Variants in ME1 observed in about 807,000 individuals in gnomAD.
ME1 encodes the protein NADP-dependent malic enzyme.
A neutral mutation model predicts 66.4 loss-of-function variants in ME1; 74 were observed. The observed-to-expected ratio is 1.11, with a 90% CI of 0.92 to 1.35. The LOEUF (loss-of-function observed/expected upper bound fraction) is 1.35, where lower values mean the gene tolerates loss of function less well. ME1 is among the 40% of genes most tolerant of loss of function. The probability of loss-of-function intolerance (pLI) is 0.00; values close to 1 mark genes in which losing one functional copy is unlikely to be tolerated. For missense variants in ME1, 750 were observed against 694.1 expected (o/e 1.08, Z -0.90); for synonymous variants, 251 against 235.6 (o/e 1.07, Z -0.60).
chr6:83,404,749 T>C (rs904697197), intron 2 of ME1, among the ~76,000 whole-genome samples: 4 of 152,250 alleles, frequency 2.6e-5, no homozygotes, highest in African/African-American at 9.6e-5. Flanking sequence ...CCCAACACCA[T>C]ATATTAAATA....
intron 7 of ME1, among the ~76,000 whole-genome samples, chr6:83,251,301 C>A (rs1309107337): frequency 6.6e-6 from 1 of 151,900 alleles, no homozygotes; most frequent in Non-Finnish European, 1.5e-5. Flanking sequence ...TCGAGACCAG[C>A]CTGACCAACG....
chr6:83,211,946 A>G lies in ME1; in HGVS notation c.1697T>C (p.Ile566Thr), dbSNP rs1789896701. ...CYSWPEEVQKIQTKVDQ is the reference protein window; with the variant it reads ...CYSWPEEVQKTQTKVDQ ...ATCCTACTGGTCAACTTTGGTCTGT[A>G]TTTTCTGCACCTCTTCAGGCCAAGA... Residue 566 changes from isoleucine to threonine, a missense_variant, in exon 14 of 14, where the codon ATA (isoleucine) becomes ACA (threonine). Physicochemically the swap from Ile to Thr is moderately conservative, Grantham distance 89 (BLOSUM62 -1). Coordinates refer to ENST00000369705, the MANE Select transcript of ME1 (RefSeq NM_002395.6). 1.2e-6 allele frequency: 2 copies of G among 1,601,368 alleles called. No individual in the cohort carries two copies. Among genetic ancestry groups the G allele is most frequent in the South Asian group, 2.3e-5 (2 of 88,524 alleles).
intron 6 of ME1, among the ~76,000 whole-genome samples, chr6:83,281,482 C>T (rs1767285192): frequency 6.6e-6 from 1 of 152,068 alleles, no homozygotes; most frequent in Non-Finnish European, 1.5e-5. Context: ...ACAGGGCTTA[C>T]TGAAAATGTC....
chr6:83,396,320 T>C (rs938845320), intron 3 of ME1, among the ~76,000 whole-genome samples: 9 of 151,986 alleles, frequency 5.9e-5, no homozygotes, highest in Non-Finnish European at 1.2e-4. Flanking sequence ...GCCAAGATCA[T>C]GCCACTACAC....
At chr6:83,243,353 T>G (rs1329646068) in intron 7 of ME1, among the ~76,000 whole-genome samples, 1 of 135,930 alleles carries the variant, frequency 7.4e-6, no homozygotes. Context: ...TATTTATATA[T>G]TTATATAATA....
intron 6 of ME1, among the ~76,000 whole-genome samples, chr6:83,304,277 A>G (rs746864932): frequency 1.1e-4 from 17 of 152,184 alleles, no homozygotes; most frequent in Admixed American, 1.1e-3. Flanking sequence ...CTGAGATATG[A>G]GCTTTGCAAG....
intron 6 of ME1, among the ~76,000 whole-genome samples, chr6:83,262,241 C>G (rs1221396900): frequency 6.6e-6 from 1 of 152,088 alleles, no homozygotes; most frequent in African/African-American, 2.4e-5. Context: ...GAGCTGAAGG[C>G]AGCATGGGTA....
intron 7 of ME1, 144 bp downstream of exon 7, chr6:83,253,485 G>T: frequency 2.0e-6 from 1 of 491,152 alleles, no homozygotes. Flanking sequence ...GCAACTAGAT[G>T]AGAAATAGTA....
chr6:83,356,752 T>A (rs1429742704), intron 3 of ME1, among the ~76,000 whole-genome samples: 2 of 152,206 alleles, frequency 1.3e-5, no homozygotes. Flanking sequence ...AAAATTGTTT[T>A]TTTTTCCTGA....
At chr6:83,230,331 G>A (rs1426939501) in intron 9 of ME1, among the ~76,000 whole-genome samples, 1 of 151,788 alleles carries the variant, frequency 6.6e-6, no homozygotes, top group African/African-American at 2.4e-5. Context: ...CATGTGCCCG[G>A]CTAATTTTAT....
chr6:83,227,067 A>G (rs1408679796), intron 11 of ME1, among the ~76,000 whole-genome samples: 1 of 146,330 alleles, frequency 6.8e-6, no homozygotes, highest in Non-Finnish European at 1.5e-5. Context: ...TTTAACTTTT[A>G]TGTTTAAATC....
chr6:83,368,002 T>TA (rs1769130111), intron 3 of ME1, among the ~76,000 whole-genome samples: 1 of 152,082 alleles, frequency 6.6e-6, no homozygotes. Context: ...CCTGAACACT[T>TA]AAAGGCCATT....
intron 6 of ME1, among the ~76,000 whole-genome samples, chr6:83,307,161 T>C (rs73749789): frequency 0.056 from 8,566 of 152,070 alleles, 454 homozygotes; most frequent in African/African-American, 0.13. Context: ...TTTTTACACA[T>C]ACATACACAT....
chr6:83,415,865 G>C (rs1219659187), intron 1 of ME1, among the ~76,000 whole-genome samples: 1 of 151,998 alleles, frequency 6.6e-6, no homozygotes, highest in Non-Finnish European at 1.5e-5. Context: ...TCTTGACCAG[G>C]TTTCTCAATC....
At chr6:83,353,827 G>C (rs1293177353) in intron 3 of ME1, among the ~76,000 whole-genome samples, 1 of 152,072 alleles carries the variant, frequency 6.6e-6, no homozygotes, top group Non-Finnish European at 1.5e-5. Flanking sequence ...CCTAAAATGA[G>C]CCATTTTTCT....
chr6:83,412,843 C>T (rs1479275866), intron 1 of ME1, among the ~76,000 whole-genome samples: 1 of 152,090 alleles, frequency 6.6e-6, no homozygotes, highest in African/African-American at 2.4e-5. Flanking sequence ...AAGGGTTTGA[C>T]TTCAAAGAGG....
chr6:83,372,262 G>A (rs1404856607), intron 3 of ME1, among the ~76,000 whole-genome samples: 2 of 152,156 alleles, frequency 1.3e-5, no homozygotes, highest in Non-Finnish European at 2.9e-5. Context: ...GGCTGTGCCA[G>A]TTTCCAACCA....
intron 6 of ME1, among the ~76,000 whole-genome samples, chr6:83,294,865 A>C (rs1767569241): frequency 1.3e-5 from 2 of 152,170 alleles, no homozygotes; most frequent in African/African-American, 4.8e-5. Context: ...CCCCAGAAGA[A>C]AAGGGGAAGT....
intron 5 of ME1, among the ~76,000 whole-genome samples, chr6:83,318,119 A>C (rs1041969725): frequency 6.6e-6 from 1 of 151,372 alleles, no homozygotes; most frequent in African/African-American, 2.4e-5. Context: ...CTGAAACTGG[A>C]TCCCTTCCTT....
Sources: allele counts gnomAD v4.1 joint callset (sites outside exome capture counted in the v4.1 genomes callset), GRCh38; gene constraint gnomAD v4.1.1; transcripts MANE v1.5; gene names NCBI Gene and HGNC (gene_info 2026-07-23, HGNC 2026-07-21).